IGF1R: variants seen among roughly 807,000 people sequenced by gnomAD.
IGF1R encodes insulin like growth factor 1 receptor.
In IGF1R, 44 loss-of-function variants were observed where a neutral mutation model predicts 144.6. The ratio of observed to expected loss-of-function variants is 0.30; its 90% confidence interval spans 0.24 to 0.39. IGF1R has a LOEUF of 0.39. IGF1R is among the 10% of genes least tolerant of loss of function. IGF1R has a pLI of 1.00. For synonymous variants in IGF1R, 795 were observed against 722.8 expected, an observed-to-expected ratio of 1.10 and a Z score of -1.60; for missense variants, 1,355 against 1,833.7, an observed-to-expected ratio of 0.74 and a Z score of 4.77.
intron 2 of IGF1R, among the ~76,000 whole-genome samples, chr15:98,720,323 A>G (rs2054217601): frequency 6.6e-6 from 1 of 152,198 alleles, no homozygotes; most frequent in African/African-American, 2.4e-5. Flanking sequence ...AGAAAGCACG[A>G]TCTGGCCTCT....
At chr15:98,702,916 G>A (rs1465069303) in intron 1 of IGF1R, among the ~76,000 whole-genome samples, 2 of 152,174 alleles carry the variant, frequency 1.3e-5, no homozygotes, top group African/African-American at 4.8e-5. Flanking sequence ...TAGCCTGGGT[G>A]ACAGAGTGAG....
intron 2 of IGF1R, among the ~76,000 whole-genome samples, chr15:98,746,273 G>A (rs2054862965): frequency 6.6e-6 from 1 of 152,196 alleles, no homozygotes; most frequent in African/African-American, 2.4e-5. Context: ...GTATGGGAGT[G>A]ACACACCTCA....
At chr15:98,802,511 C>A (rs900545459) in intron 2 of IGF1R, among the ~76,000 whole-genome samples, 1 of 152,176 alleles carries the variant, frequency 6.6e-6, no homozygotes, top group African/African-American at 2.4e-5. Context: ...AGAAAGGTGA[C>A]AAAAGAGATG....
intron 2 of IGF1R, among the ~76,000 whole-genome samples, chr15:98,751,246 G>GC (rs1286052843): frequency 2.6e-5 from 4 of 152,092 alleles, no homozygotes; most frequent in African/African-American, 9.7e-5. Context: ...TGTCACCCAG[G>GC]CTGGGGTGCA....
chr15:98,666,223 A>G (rs1218672920), intron 1 of IGF1R, among the ~76,000 whole-genome samples: 1 of 152,176 alleles, frequency 6.6e-6, no homozygotes, highest in East Asian at 1.9e-4. Context: ...GATAGCAAGC[A>G]TAGGCCAGGA....
rs146002537 is a variant in IGF1R, at chr15:98,809,778, A to G, written c.641-81547A>G. On this transcript the variant is annotated intron_variant, in intron 2 of 20. Coordinates refer to ENST00000650285, the MANE Select transcript of IGF1R (RefSeq NM_000875.5). ...AGCCCTCAGTGAGTGCCTGCAGGGG[A>G]CACAGCTGCTTTGGAGGAACGTGGT... Among the ~76,000 whole-genome samples the G allele has an allele frequency of 1.5e-3, 234 of 152,248 alleles. 1 individual carries two copies. The highest frequency in any genetic ancestry group is 5.2e-3 in the African/African-American group (215 of 41,530).
rs1158759890 is a variant in IGF1R, at chr15:98,911,534, AG to A, written c.1589+98del. On this transcript the variant is annotated intron_variant, in intron 7 of 20. Transcript: ENST00000650285. ...ATCCTTGAATGGGCTGGCTGAATAC[AG>A]GGGGTCAGCAGAGTCCCCAGGGAGA... The A allele has an allele frequency of 2.6e-5, 40 of 1,554,936 alleles. No individual in the cohort carries two copies. In the African/African-American group the frequency reaches 5.0e-4, roughly 19 times the overall value.
intron 2 of IGF1R, among the ~76,000 whole-genome samples, chr15:98,718,813 A>G (rs1276605887): frequency 6.6e-6 from 1 of 152,214 alleles, no homozygotes; most frequent in East Asian, 1.9e-4. Context: ...TATTAGAAAT[A>G]CTTCCTGGGC....
chr15:98,827,428 T>C (rs2056914699), intron 2 of IGF1R, among the ~76,000 whole-genome samples: 1 of 152,160 alleles, frequency 6.6e-6, no homozygotes, highest in African/African-American at 2.4e-5. Context: ...GAAGTGGTCA[T>C]GGGAAAAGAG....
At chr15:98,662,747 T>C (rs1249772445) in intron 1 of IGF1R, among the ~76,000 whole-genome samples, 1 of 152,058 alleles carries the variant, frequency 6.6e-6, no homozygotes, top group Non-Finnish European at 1.5e-5. Flanking sequence ...AAGGAGGATG[T>C]CTGACTTTAG....
rs745533551 is a variant in IGF1R, at chr15:98,939,214, T to C, written c.3311T>C (p.Leu1104Pro). The C allele has an allele frequency of 1.2e-6, 2 of 1,613,892 alleles. No homozygotes were observed. The highest frequency in any genetic ancestry group is 2.7e-5 in the African/African-American group (2 of 74,926). ...AATCTCCAACAGAATAATCCAGTCC[T>C]AGCACCTCCAAGCCTGAGCAAGATG... ...LRPEMENNPV[L>P]APPSLSKMIQ... The change falls in exon 18 of 21, where the codon CTA becomes CCA. Residue 1104 changes from leucine to proline, a missense_variant. Physicochemically the swap from Leu to Pro is moderately conservative, Grantham distance 98 (BLOSUM62 -3). Transcript: ENST00000650285.
At position 98,957,502 on chromosome 15, in the gene IGF1R, G is replaced by A; in HGVS notation, c.*60G>A. ...GTGCGCACGCGCAGCGGGGTGGGGG[G>A]GGAGAGAGAGTTTTAACAATCCATT... On this transcript the variant is annotated 3_prime_UTR_variant, in exon 21 of 21. Coordinates refer to ENST00000650285, the MANE Select transcript of IGF1R (RefSeq NM_000875.5). 2 of 1,605,832 alleles carry A rather than the reference G, an allele frequency of 1.2e-6. No individual in the cohort carries two copies. The highest frequency in any genetic ancestry group is 1.7e-6 in the Non-Finnish European group (2 of 1,175,854).
At chr15:98,877,895 TGTC>T (rs2013143660) in intron 2 of IGF1R, among the ~76,000 whole-genome samples, 3 of 152,240 alleles carry the variant, frequency 2.0e-5, no homozygotes, top group African/African-American at 7.2e-5. Flanking sequence ...TACAAGTGGC[TGTC>T]TTCAGTTTAG....
At chr15:98,699,663 C>CA (rs1256503455) in intron 1 of IGF1R, among the ~76,000 whole-genome samples, 2 of 152,120 alleles carry the variant, frequency 1.3e-5, no homozygotes, top group African/African-American at 4.8e-5. Context: ...TTAAAGTTTC[C>CA]ATGTCTTAAG....
At chr15:98,853,830 G>C (rs544790619) in intron 2 of IGF1R, among the ~76,000 whole-genome samples, 78 of 152,296 alleles carry the variant, frequency 5.1e-4, no homozygotes, top group Non-Finnish European at 1.0e-3. Context: ...GGAGGAGGAG[G>C]GGAAGGTGCA....
intron 19 of IGF1R, among the ~76,000 whole-genome samples, chr15:98,948,019 C>A (rs562514477): frequency 1.3e-5 from 2 of 152,304 alleles, no homozygotes; most frequent in Admixed American, 1.3e-4. Context: ...TGTTTAAAAA[C>A]CTCCCCAGGA....
rs397824885 is a variant in IGF1R at position 98,960,461 on chromosome 15, A to AT, written c.*3020dup. ...AACAAACTGCTTCTGTGCAGATGGA[A>AT]TGACCAACACATTTCGTCCTTAAGA... is the stretch of plus-strand genomic sequence containing the variant. On this transcript the variant is annotated 3_prime_UTR_variant, in exon 21 of 21. Transcript: ENST00000650285. The AT allele has an allele frequency of 0.2, 46,667 of 233,010 alleles. 5,056 individuals carry two copies. Among genetic ancestry groups the AT allele is most frequent in the Non-Finnish European group, 0.24 (28,390 of 117,918 alleles). 14.4% of individuals were successfully genotyped at this position (233,010 alleles called of 1,614,324 possible).
At chr15:98,726,022 A>G (rs2054351721) in intron 2 of IGF1R, among the ~76,000 whole-genome samples, 1 of 152,216 alleles carries the variant, frequency 6.6e-6, no homozygotes, top group Non-Finnish European at 1.5e-5. Flanking sequence ...GCGGGGACAC[A>G]GCCAAATCAT....
chr15:98,857,170 T>C (rs1249297347), intron 2 of IGF1R, among the ~76,000 whole-genome samples: 1 of 152,240 alleles, frequency 6.6e-6, no homozygotes, highest in Non-Finnish European at 1.5e-5. Flanking sequence ...GAAGCTTCTA[T>C]AAAGTGACCC....
Sources: allele counts gnomAD v4.1 joint callset (sites outside exome capture counted in the v4.1 genomes callset), GRCh38; gene constraint gnomAD v4.1.1; transcripts MANE v1.5; gene names NCBI Gene and HGNC (gene_info 2026-07-23, HGNC 2026-07-21).